Variants in AUTS2 observed in about 807,000 individuals in gnomAD.
AUTS2 encodes activator of transcription and developmental regulator AUTS2, also known as autism susceptibility gene 2 protein.
Under a neutral mutation model 112.4 loss-of-function variants are expected in AUTS2, and 17 were observed. That is an observed-to-expected ratio of 0.15 (90% CI 0.10 to 0.23). The LOEUF is 0.23. Ranked by LOEUF, AUTS2 falls within the 10% of genes least tolerant of loss-of-function variation. The pLI is 1.00. For synonymous variants in AUTS2, 751 were observed against 702.7 expected, an observed-to-expected ratio of 1.07 and a Z score of -1.09; for missense variants, 1,510 against 1,701.6, an observed-to-expected ratio of 0.89 and a Z score of 1.98.
At chr7:69,911,556 G>A (rs1464952641) in intron 2 of AUTS2, among the ~76,000 whole-genome samples, 1 of 152,176 alleles carries the variant, frequency 6.6e-6, no homozygotes, top group Admixed American at 6.5e-5. Context: ...GCAAGGCAGA[G>A]AGGAGCTTTA....
chr7:70,100,960 C>T (rs1355201846), intron 2 of AUTS2, among the ~76,000 whole-genome samples: 6 of 152,130 alleles, frequency 3.9e-5, no homozygotes, highest in Non-Finnish European at 1.5e-5. Context: ...TCACTGCAAC[C>T]TCCGCCTCCT....
chr7:70,449,206 C>A (rs189009763), intron 5 of AUTS2, among the ~76,000 whole-genome samples: 2 of 152,206 alleles, frequency 1.3e-5, no homozygotes, highest in South Asian at 4.1e-4. Flanking sequence ...TATTTTTGCC[C>A]GTCCACTTGA....
At chr7:69,639,140 T>C (rs1391334767) in intron 1 of AUTS2, among the ~76,000 whole-genome samples, 1 of 152,242 alleles carries the variant, frequency 6.6e-6, no homozygotes, top group African/African-American at 2.4e-5. Context: ...CCATGGTATT[T>C]AGACCAGCAT....
intron 5 of AUTS2, among the ~76,000 whole-genome samples, chr7:70,514,706 C>T (rs753160861): frequency 6.6e-6 from 1 of 152,170 alleles, no homozygotes; most frequent in African/African-American, 2.4e-5. Context: ...TGAGCATCTT[C>T]ACCCCAACTG....
intron 1 of AUTS2, among the ~76,000 whole-genome samples, chr7:69,813,104 TCTC>T (rs1348718812): frequency 2.6e-5 from 4 of 152,124 alleles, no homozygotes; most frequent in Non-Finnish European, 5.9e-5. Context: ...TCTCACCCCA[TCTC>T]CTACTATCCC....
intron 6 of AUTS2, among the ~76,000 whole-genome samples, chr7:70,724,453 T>C (rs1231864756): frequency 6.9e-6 from 1 of 144,484 alleles, no homozygotes; most frequent in East Asian, 2.2e-4. Context: ...CTTTTTTTTT[T>C]TTTTTTTTTT....
chr7:70,645,731 A>G (rs1039603737), intron 5 of AUTS2, among the ~76,000 whole-genome samples: 3 of 152,180 alleles, frequency 2.0e-5, no homozygotes, highest in Non-Finnish European at 4.4e-5. Context: ...GCTGCATTTA[A>G]TTAACGGTTA....
intron 6 of AUTS2, among the ~76,000 whole-genome samples, chr7:70,734,111 G>A (rs558883454): frequency 2.6e-5 from 4 of 151,890 alleles, no homozygotes; most frequent in African/African-American, 7.3e-5. Flanking sequence ...CGCTGCATGC[G>A]CCAGGCTTCA....
intron 1 of AUTS2, among the ~76,000 whole-genome samples, chr7:69,642,594 G>A (rs1370988729): frequency 6.6e-6 from 1 of 152,188 alleles, no homozygotes; most frequent in Non-Finnish European, 1.5e-5. Context: ...CTTTGAATAA[G>A]TCACTGAACC....
At chr7:69,991,635 T>C (rs1563020768) in intron 2 of AUTS2, among the ~76,000 whole-genome samples, 1 of 152,218 alleles carries the variant, frequency 6.6e-6, no homozygotes, top group Non-Finnish European at 1.5e-5. Flanking sequence ...TTAGACATAT[T>C]TCTGGGAGCT....
At chr7:70,718,450 G>A (rs1001709893) in intron 6 of AUTS2, among the ~76,000 whole-genome samples, 1 of 152,198 alleles carries the variant, frequency 6.6e-6, no homozygotes, top group Non-Finnish European at 1.5e-5. Context: ...ATCACTTGAG[G>A]TCAGGAGTTG....
chr7:70,748,577 G>A (rs1788610872), intron 6 of AUTS2, among the ~76,000 whole-genome samples: 1 of 152,122 alleles, frequency 6.6e-6, no homozygotes, highest in Non-Finnish European at 1.5e-5. Context: ...CAAAATTTCT[G>A]CAAATCAAGG....
intron 5 of AUTS2, among the ~76,000 whole-genome samples, chr7:70,620,473 A>G (rs1046721241): frequency 6.6e-6 from 1 of 152,082 alleles, no homozygotes; most frequent in Admixed American, 6.5e-5. Context: ...CACCACGCTC[A>G]TCACTGAGAT....
intron 1 of AUTS2, among the ~76,000 whole-genome samples, chr7:69,860,042 T>G (rs1173257257): frequency 1.3e-5 from 2 of 150,956 alleles, no homozygotes; most frequent in Non-Finnish European, 3.0e-5. Context: ...CAAAGAGGTG[T>G]TTTTTTTTGT....
intron 2 of AUTS2, among the ~76,000 whole-genome samples, chr7:69,973,639 A>G (rs1317409864): frequency 6.6e-6 from 1 of 152,090 alleles, no homozygotes; most frequent in Non-Finnish European, 1.5e-5. Context: ...TTTTTTTATC[A>G]TGAATGGATG....
intron 6 of AUTS2, among the ~76,000 whole-genome samples, chr7:70,760,883 T>G (rs1472237714): frequency 6.6e-6 from 1 of 152,244 alleles, no homozygotes; most frequent in Non-Finnish European, 1.5e-5. Context: ...GCTCGGTCTT[T>G]TCATACCTCT....
At chr7:70,323,087 G>A (rs1208518370) in intron 4 of AUTS2, among the ~76,000 whole-genome samples, 1 of 152,188 alleles carries the variant, frequency 6.6e-6, no homozygotes, top group Non-Finnish European at 1.5e-5. Flanking sequence ...AGTACAGCAG[G>A]GATATTTCCC....
At chr7:70,289,411 A>G (rs1346931155) in intron 4 of AUTS2, among the ~76,000 whole-genome samples, 1 of 152,212 alleles carries the variant, frequency 6.6e-6, no homozygotes, top group Non-Finnish European at 1.5e-5. Flanking sequence ...TCACCATTCA[A>G]TAGGTGTCTA....
At chr7:69,880,472 ATCC>A (rs1793998779) in intron 1 of AUTS2, among the ~76,000 whole-genome samples, 1 of 152,196 alleles carries the variant, frequency 6.6e-6, no homozygotes, top group African/African-American at 2.4e-5. Context: ...GAACACCACC[ATCC>A]TCCTCCTCAT....
Sources: gnomAD v4.1 joint callset for allele counts (sites outside exome capture counted in the v4.1 genomes callset) on GRCh38, gnomAD v4.1.1 for gene constraint, MANE v1.5 for transcripts, NCBI Gene and HGNC (gene_info 2026-07-23, HGNC 2026-07-21) for gene names.